The following CTNNBL1 variants were observed in gnomAD, a reference collection of about 807,000 sequenced individuals.
CTNNBL1 encodes beta-catenin-like protein 1.
Under a neutral mutation model 72.7 loss-of-function variants are expected in CTNNBL1, and 31 were observed. The ratio of observed to expected loss-of-function variants is 0.43; its 90% CI spans 0.32 to 0.58. The LOEUF (loss-of-function observed/expected upper bound fraction) is 0.58. Among genes scored for constraint, CTNNBL1 ranks in the 20% least tolerant of loss-of-function variants. The pLI is 0.08. For synonymous variants in CTNNBL1, 240 were observed against 267.3 expected, an observed-to-expected ratio of 0.90 and a Z score of 1.00; for missense variants, 534 against 725.1, an observed-to-expected ratio of 0.74 and a Z score of 3.03.
At chr20:37,754,038 A>G (rs1600465485) in intron 4 of CTNNBL1, among the ~76,000 whole-genome samples, 2 of 152,294 alleles carry the variant, frequency 1.3e-5, no homozygotes, top group African/African-American at 2.4e-5. Context: ...GATGAATATG[A>G]CATGACCCTT....
intron 10 of CTNNBL1, among the ~76,000 whole-genome samples, chr20:37,791,779 G>A (rs1600490556): frequency 6.6e-6 from 1 of 152,246 alleles, no homozygotes; most frequent in East Asian, 1.9e-4. Context: ...CACCCCTTAT[G>A]AGAATCTAAT....
intron 10 of CTNNBL1, among the ~76,000 whole-genome samples, chr20:37,799,538 C>T (rs1006845756): frequency 6.6e-6 from 1 of 152,284 alleles, no homozygotes; most frequent in East Asian, 1.9e-4. Flanking sequence ...GCAGAAGTCA[C>T]CTGCCATTTG....
intron 15 of CTNNBL1, among the ~76,000 whole-genome samples, chr20:37,861,220 G>A (rs1158695551): frequency 6.6e-6 from 1 of 152,188 alleles, no homozygotes; most frequent in African/African-American, 2.4e-5. Context: ...CAGTCAGTGT[G>A]GGTTTCCCTC....
intron 1 of CTNNBL1, among the ~76,000 whole-genome samples, chr20:37,727,734 T>C (rs2073096687): frequency 6.6e-6 from 1 of 152,212 alleles, no homozygotes; most frequent in Admixed American, 6.5e-5. Flanking sequence ...GGGGATTGGT[T>C]GTGTAAGACA....
intron 1 of CTNNBL1, among the ~76,000 whole-genome samples, chr20:37,728,040 T>G (rs1198151340): frequency 6.6e-6 from 1 of 152,218 alleles, no homozygotes; most frequent in Non-Finnish European, 1.5e-5. Context: ...TGCGTCCATA[T>G]TTCACTCAAT....
At position 37,737,490 on chromosome 20, in the gene CTNNBL1, G is replaced by A. The variant is rs1481505833; in HGVS notation, c.326+6G>A. On this transcript the variant is annotated splice_donor_region_variant and intron_variant, in intron 3 of 15. Transcript: ENST00000361383. ...TTTCCAGACAATCCAGAGAAGTAAG[G>A]TTCTGTTCCACTGATACCATGTCTC... The A allele has an allele frequency of 6.3e-7, 1 of 1,584,960 alleles. No homozygotes were observed. Among genetic ancestry groups the A allele is most frequent in the Non-Finnish European group, 8.6e-7 (1 of 1,156,488 alleles).
chr20:37,793,697 A>G (rs756784221), intron 10 of CTNNBL1, among the ~76,000 whole-genome samples: 1 of 152,194 alleles, frequency 6.6e-6, no homozygotes, highest in African/African-American at 2.4e-5. Context: ...TTATGCTTCT[A>G]TTGTCATACA....
intron 4 of CTNNBL1, chr20:37,750,503 T>C (rs2073309338): frequency 6.6e-6 from 1 of 152,190 alleles, no homozygotes; most frequent in Non-Finnish European, 1.5e-5. Flanking sequence ...AGTGTTTCTA[T>C]GGAAAAATAA....
intron 10 of CTNNBL1, among the ~76,000 whole-genome samples, chr20:37,795,629 A>G (rs1194852063): frequency 6.6e-6 from 1 of 152,102 alleles, no homozygotes; most frequent in Non-Finnish European, 1.5e-5. Context: ...TGTTAATCTC[A>G]TCTACTGTAT....
chr20:37,823,167 G>A (rs1289411306), intron 11 of CTNNBL1, among the ~76,000 whole-genome samples: 2 of 152,156 alleles, frequency 1.3e-5, no homozygotes. Flanking sequence ...TTAGAATGTG[G>A]TCCTGAAGCA....
At chr20:37,797,571 A>G (rs1600494184) in intron 10 of CTNNBL1, among the ~76,000 whole-genome samples, 1 of 152,194 alleles carries the variant, frequency 6.6e-6, no homozygotes, top group East Asian at 1.9e-4. Flanking sequence ...TGACTTCATT[A>G]TTGGGCTTCA....
At chr20:37,820,406 T>C (rs1296781195) in intron 11 of CTNNBL1, among the ~76,000 whole-genome samples, 1 of 152,104 alleles carries the variant, frequency 6.6e-6, no homozygotes, top group Non-Finnish European at 1.5e-5. Context: ...ACGACAACCT[T>C]CTTCTCCTTA....
intron 9 of CTNNBL1, 133 bp from the exon 10 acceptor site, chr20:37,779,054 G>T (rs1479945210): frequency 1.1e-5 from 9 of 812,670 alleles, no homozygotes; most frequent in Non-Finnish European, 1.8e-5. Flanking sequence ...AAACTGATGA[G>T]AATTTTGTTT....
chr20:37,764,473 G>A (rs548167022), intron 5 of CTNNBL1, among the ~76,000 whole-genome samples: 12 of 152,228 alleles, frequency 7.9e-5, no homozygotes, highest in Admixed American at 3.9e-4. Context: ...TGCCTCCACT[G>A]CTCCATAGCT....
chr20:37,695,943 C>T (rs143862712), intron 1 of CTNNBL1, among the ~76,000 whole-genome samples: 88 of 152,302 alleles, frequency 5.8e-4, no homozygotes, highest in African/African-American at 2.0e-3. Flanking sequence ...AACAGTTCAG[C>T]AATGGGGAGC....
chr20:37,846,497 G>A (rs1167313381), intron 13 of CTNNBL1, among the ~76,000 whole-genome samples: 1 of 152,174 alleles, frequency 6.6e-6, no homozygotes. Context: ...GAGAAGTTAT[G>A]TATGTAGGGA....
chr20:37,795,188 G>A (rs1019074574), intron 10 of CTNNBL1, among the ~76,000 whole-genome samples: 2 of 148,366 alleles, frequency 1.3e-5, no homozygotes, highest in Non-Finnish European at 1.5e-5. Context: ...AGGCTGGCAT[G>A]CAGTGATGCA....
At chr20:37,827,661 T>C (rs2072171560) in intron 11 of CTNNBL1, among the ~76,000 whole-genome samples, 1 of 152,212 alleles carries the variant, frequency 6.6e-6, no homozygotes, top group South Asian at 2.1e-4. Context: ...AATTAACTGT[T>C]AGATATACCC....
intron 7 of CTNNBL1, among the ~76,000 whole-genome samples, chr20:37,772,875 A>G (rs982073832): frequency 6.6e-6 from 1 of 152,210 alleles, no homozygotes; most frequent in African/African-American, 2.4e-5. Flanking sequence ...AGCAGTATAT[A>G]GAGATATTCA....
Sources: gnomAD v4.1 joint callset for allele counts (sites outside exome capture counted in the v4.1 genomes callset) on GRCh38, gnomAD v4.1.1 for gene constraint, MANE v1.5 for transcripts, NCBI Gene and HGNC (gene_info 2026-07-23, HGNC 2026-07-21) for gene names.